SEMA6C: variants seen among roughly 807,000 people sequenced by gnomAD.
SEMA6C encodes the protein semaphorin-6C.
A neutral mutation model predicts 72.9 loss-of-function variants in SEMA6C; 37 were observed. That is an observed-to-expected ratio of 0.51 (90% CI 0.39 to 0.67). The LOEUF is 0.67. SEMA6C is among the 30% of genes least tolerant of loss of function. The pLI is 0.00. For synonymous variants in SEMA6C, 578 were observed against 554.1 expected (o/e 1.04, Z -0.61); for missense variants, 1,189 against 1,263.6 (o/e 0.94, Z 0.89).
At chr1:151,140,126 C>A (rs2101639772) in intron 3 of SEMA6C, 36 bp from the exon 4 acceptor site, 1 of 1,558,264 alleles carries the variant, frequency 6.4e-7, no homozygotes, top group South Asian at 1.1e-5. Context: ...CTGAGGATAC[C>A]ACAAACTTCC....
Position 151,132,826 on chromosome 1 carries a change from C to T in SEMA6C, c.2451G>A (p.Pro817=). 2 of 1,293,334 alleles carry T rather than the reference C, an allele frequency of 1.5e-6. No individual in the cohort carries two copies. The highest frequency in any genetic ancestry group is 2.1e-5 in the South Asian group (1 of 47,808). The allele number at this position is 1,293,334 out of a possible 1,614,324, so 80.1% of individuals were successfully genotyped here. ...CCTCGGGGGGCACGTCCAGCCTCAG[C>T]GGCGAGGCGCACTCGTGGGGCCTGG... The part of the protein sequence containing the change: ...PSPRPHECAS[P]LRLDVPPEGR... Residue 817 remains proline, a synonymous_variant, in exon 19 of 19, where the codon CCG becomes CCA. Coordinates refer to ENST00000368914, the MANE Select transcript of SEMA6C (RefSeq NM_030913.6).
chr1:151,132,006 G>T lies in SEMA6C; in HGVS notation c.*478C>A, dbSNP rs1355576443. 1 of 331,568 alleles carries T rather than the reference G, an allele frequency of 3.0e-6. No homozygotes were observed. Among genetic ancestry groups the T allele is most frequent in the Admixed American group, 4.6e-5 (1 of 21,756 alleles). The allele number at this position is 331,568 out of a possible 1,614,324, so 20.5% of individuals were successfully genotyped here. On this transcript the variant is annotated 3_prime_UTR_variant, in exon 19 of 19. Coordinates refer to ENST00000368914, the MANE Select transcript of SEMA6C (RefSeq NM_030913.6). ...GGCAGAGAGCGAGGGCGCCCAGAGC[G>T]AGCCGACCGACTGCCGCCCTCCCCC...
At chr1:151,135,501 G>A in intron 14 of SEMA6C, 90 bp downstream of exon 14, 8 of 1,500,474 alleles carry the variant, frequency 5.3e-6, no homozygotes, top group Non-Finnish European at 7.2e-6. Flanking sequence ...AAAAGCCAAT[G>A]TTGATGTTTC....
At position 151,132,872 on chromosome 1, in the gene SEMA6C, G is replaced by A. The variant is rs1343534003; in HGVS notation, c.2405C>T (p.Ala802Val). 7.7e-7 allele frequency: 1 copy of A among 1,297,474 alleles called. No homozygotes were observed. The highest frequency in any genetic ancestry group is 9.8e-7 in the Non-Finnish European group (1 of 1,023,330). 80.4% of individuals were successfully genotyped at this position (1,297,474 alleles called of 1,614,324 possible). ...CCTGGGGCTGGGGCCGCCCAAGAGG[G>A]CGGGGGCGGGCTCCGGCGGGAGCGC... is the stretch of plus-strand genomic sequence containing the variant. ...SRALPPEPAPALLGGPSPRPH... is the reference protein window; with the variant it reads ...SRALPPEPAPVLLGGPSPRPH... The change falls in exon 19 of 19, where the codon GCC (alanine) becomes GTC (valine). Residue 802 changes from alanine (A) to valine (V), a missense_variant. Ala to Val is a moderately conservative substitution (Grantham distance 64). Coordinates refer to ENST00000368914, the MANE Select transcript of SEMA6C (RefSeq NM_030913.6).
chr1:151,138,319 C>A lies in SEMA6C; in HGVS notation c.544G>T (p.Ala182Ser), dbSNP rs1226117684. ...DATQSNVAIF[A>S]EGSLYSATAA... ...TCTCACATGCCCAGTTGCACACCTG[C>A]AAAGATGGCCACGTTGGACTGGGTG... The change falls in exon 8 of 19, where the codon GCA becomes TCA. Residue 182 changes from alanine (A) to serine (S), a missense_variant. Ala to Ser is a moderately conservative substitution (Grantham distance 99). Around this residue, in one of 2 missense-constraint regions of SEMA6C, gnomAD observed 468 missense variants for 577.4 expected, o/e 0.81. Transcript: ENST00000368914. The A allele has an allele frequency of 1.2e-6, 2 of 1,613,850 alleles. No homozygotes were observed. The highest frequency in any genetic ancestry group is 1.7e-6 in the Non-Finnish European group (2 of 1,179,870).
At chr1:151,144,931 ACACT>A (rs1371433421) in intron 1 of SEMA6C, 1 of 152,208 alleles carries the variant, frequency 6.6e-6, no homozygotes, top group Admixed American at 6.5e-5. Context: ...ACACACACAC[ACACT>A]CACACCCCAC....
intron 8 of SEMA6C, 43 bp downstream of exon 8, chr1:151,138,273 C>T: frequency 2.5e-6 from 4 of 1,603,164 alleles, no homozygotes; most frequent in Non-Finnish European, 3.4e-6. Context: ...GGTGGGAGCT[C>T]CCTCCAGCCA....
At position 151,132,360 on chromosome 1, in the gene SEMA6C, ACT is replaced by A. The variant is rs899977572; in HGVS notation, c.*122_*123del. On this transcript the variant is annotated 3_prime_UTR_variant, in exon 19 of 19. Transcript: ENST00000368914. ...CCGAGGCGAAAAGGGGCCTCGGGAG[ACT>A]CTGCGAGTCGGGAAGGCTGGAGGTG... The A allele has an allele frequency of 3.9e-5, 60 of 1,535,442 alleles. No individual in the cohort carries two copies. The highest frequency in any genetic ancestry group is 8.5e-5 in the South Asian group (7 of 82,214).
At chr1:151,144,509 A>T (rs1682795887) in intron 1 of SEMA6C, 75 bp from the exon 2 acceptor site, 1 of 152,698 alleles carries the variant, frequency 6.5e-6, no homozygotes, top group African/African-American at 2.4e-5. Flanking sequence ...AAGTAAATGT[A>T]AAAATTCAAG....
chr1:151,135,697 G>A lies in SEMA6C; in HGVS notation c.1327C>T (p.Leu443Phe). 1 of 1,614,232 alleles carries A rather than the reference G, an allele frequency of 6.2e-7. No homozygotes were observed. Among genetic ancestry groups the A allele is most frequent in the African/African-American group, 1.3e-5 (1 of 75,068 alleles). ...AGCACTGTCCCATCATTGGAGCCAA[G>A]GAACATGACTGTGATGTTACTGTGG... Reference protein sequence around the residue: ...GPHSNITVMFLGSNDGTVLKV... With the variant: ...GPHSNITVMFFGSNDGTVLKV... The change falls in exon 14 of 19, where the codon CTT (leucine) becomes TTT (phenylalanine). Residue 443 changes from leucine (L) to phenylalanine (F), a missense_variant. This residue lies in a region of SEMA6C where 468 missense variants were observed against 577.4 expected (regional missense o/e 0.81). Transcript: ENST00000368914.
Position 151,135,248 on chromosome 1 carries a change from C to T in SEMA6C, c.1495G>A (p.Glu499Lys), listed in dbSNP as rs756069979. 4 of 1,614,140 alleles carry T rather than the reference C, an allele frequency of 2.5e-6. No individual in the cohort carries two copies. In the East Asian group the frequency reaches 8.9e-5, roughly 36 times the overall value. ...AAAGCCACAAAAAGCCTGTGACCCT[C>T]AGTGTCCAGCTCCAGCCCTATGATC... ...RRIIGLELDT[E>K]GHRLFVAFSG... is the part of the protein sequence containing the mutation. Residue 499 changes from glutamate to lysine, a missense_variant, in exon 15 of 19, where the codon GAG (glutamate) becomes AAG (lysine). Physicochemically the swap from Glu to Lys is moderately conservative, Grantham distance 56. Coordinates refer to ENST00000368914, the MANE Select transcript of SEMA6C (RefSeq NM_030913.6).
rs1291497946 is a variant in SEMA6C at position 151,132,461 on chromosome 1, C to T, written c.*23G>A. On this transcript the variant is annotated 3_prime_UTR_variant, in exon 19 of 19. Coordinates refer to ENST00000368914, the MANE Select transcript of SEMA6C (RefSeq NM_030913.6). ...CGAGAGGACTCGGGCGCTCCCCACG[C>T]TGGAGGCCGTGGGCCGCTCCCTTTA... 1.9e-6 allele frequency: 3 copies of T among 1,541,084 alleles called. No individual in the cohort carries two copies. The highest frequency in any genetic ancestry group is 1.4e-5 in the African/African-American group (1 of 72,682).
intron 3 of SEMA6C, among the ~76,000 whole-genome samples, chr1:151,142,122 C>T (rs587655295): frequency 1.3e-4 from 20 of 151,706 alleles, no homozygotes; most frequent in Admixed American, 4.6e-4. Flanking sequence ...CTGCAAGCTC[C>T]GCCTTCCGGG....
intron 2 of SEMA6C, among the ~76,000 whole-genome samples, chr1:151,143,049 TA>T (rs1682684827): frequency 6.6e-6 from 1 of 152,174 alleles, no homozygotes; most frequent in East Asian, 1.9e-4. Context: ...CTTAAAATTA[TA>T]AATAGTGACT....
At chr1:151,136,313 T>C in intron 12 of SEMA6C, 135 bp downstream of exon 12, 1 of 1,468,104 alleles carries the variant, frequency 6.8e-7, no homozygotes. Flanking sequence ...CTGCCGCAGC[T>C]CTTCGGCCCC....
chr1:151,136,246 C>A, intron 12 of SEMA6C, 83 bp from the exon 13 acceptor site: 1 of 1,566,968 alleles, frequency 6.4e-7, no homozygotes. Flanking sequence ...GCTCCCAAAC[C>A]TGACTGGAAA....
At chr1:151,136,381 A>T in intron 12 of SEMA6C, 67 bp downstream of exon 12, 1 of 1,581,386 alleles carries the variant, frequency 6.3e-7, no homozygotes, top group South Asian at 1.2e-5. Context: ...TTACCTCCTC[A>T]CAATCCCATC....
rs745465160 is a variant in SEMA6C, at chr1:151,142,628, C to T, written c.-7G>A. 40 of 1,548,320 alleles carry T rather than the reference C, an allele frequency of 2.6e-5. No individual in the cohort carries two copies. The highest frequency in any genetic ancestry group is 1.9e-4 in the African/African-American group (14 of 72,828). On this transcript the variant is annotated 5_prime_UTR_variant, in exon 3 of 19. Transcript: ENST00000368914. Reference sequence around the variant, plus strand: ...AGTGGGGGGCACGGGGCATCCTGTGCGGGGCAGCTCAGGCCCCAGGGGGTG... The same window carrying T: ...AGTGGGGGGCACGGGGCATCCTGTGTGGGGCAGCTCAGGCCCCAGGGGGTG...
In SEMA6C at chr1:151,133,385, C is replaced by A; in HGVS notation, c.1892G>T (p.Arg631Leu). ...SGLLVSCACR[R>L]AHRRRGKDIE... ...GTCCTTGCCCCGACGTCGGTGGGCG[C>A]GGCGACAAGCACAGGAGACCAGGAG... is the stretch of plus-strand genomic sequence containing the variant. The change falls in exon 19 of 19, where the codon CGC becomes CTC. Residue 631 changes from arginine to leucine, a missense_variant. Around this residue, in one of 2 missense-constraint regions of SEMA6C, gnomAD observed 721 missense variants for 686.2 expected, o/e 1.05. Transcript: ENST00000368914. This position sits in a 1 kb window ranked among gnomAD's most constrained non-coding sequence, Gnocchi z 5.9. 6.3e-7 allele frequency: 1 copy of A among 1,599,084 alleles called. No individual in the cohort carries two copies. The highest frequency in any genetic ancestry group is 1.1e-5 in the South Asian group (1 of 89,866).
Sources: allele counts gnomAD v4.1 joint callset (sites outside exome capture counted in the v4.1 genomes callset), GRCh38; gene constraint gnomAD v4.1.1; regional missense constraint gnomAD v4.1.1; non-coding constraint Gnocchi (gnomAD v3.1); transcripts MANE v1.5; gene names NCBI Gene and HGNC (gene_info 2026-07-23, HGNC 2026-07-21).